The following STK32A variants were observed in gnomAD, a reference collection of about 807,000 sequenced individuals.
STK32A encodes serine/threonine-protein kinase 32A.
Under a neutral mutation model 53.2 loss-of-function variants are expected in STK32A, and 41 were observed. The ratio of observed to expected loss-of-function variants is 0.77; its 90% CI spans 0.60 to 1.00. The LOEUF (loss-of-function observed/expected upper bound fraction) is 1.00. STK32A is among the 50% of genes least tolerant of loss of function. The pLI is 0.00. For synonymous variants in STK32A, 166 were observed against 162.8 expected (o/e 1.02, Z -0.15); for missense variants, 458 against 485.8 (o/e 0.94, Z 0.54).
chr5:147,390,949 T>C (rs1438315270), downstream of STK32A: 2 of 152,666 alleles, frequency 1.3e-5, no homozygotes, highest in African/African-American at 2.4e-5. Context: ...CAGAGCTGCC[T>C]CACAGCTAGC....
chr5:147,348,273 C>T (rs1895565), intron 6 of STK32A, among the ~76,000 whole-genome samples: 36,135 of 152,064 alleles, frequency 0.24, 5,602 homozygotes, highest in African/African-American at 0.44. Flanking sequence ...AAGGAAAATA[C>T]TCAACATTCT....
At chr5:147,341,664 G>A (rs1333721136) in intron 5 of STK32A, among the ~76,000 whole-genome samples, 2 of 151,772 alleles carry the variant, frequency 1.3e-5, no homozygotes, top group Non-Finnish European at 2.9e-5. Context: ...TTTTTTTTAG[G>A]ATGTTATAAG....
At chr5:147,395,690 A>T in the STK32A span, 1 of 1,613,960 alleles carries the variant, frequency 6.2e-7, no homozygotes, top group Non-Finnish European at 8.5e-7. Flanking sequence ...CCCATCGTAC[A>T]TGCCCCTTGG....
the STK32A span, chr5:147,400,932 T>C: frequency 2.1e-6 from 3 of 1,458,432 alleles, no homozygotes; most frequent in African/African-American, 4.2e-5. Flanking sequence ...GCACTCTGAC[T>C]ATTTGGGTTT....
At chr5:147,259,019 C>G (rs1754368717) in intron 2 of STK32A, among the ~76,000 whole-genome samples, 1 of 152,092 alleles carries the variant, frequency 6.6e-6, no homozygotes, top group African/African-American at 2.4e-5. Context: ...TTTCCTAACT[C>G]TGCTTCTACA....
At chr5:147,323,192 C>T (rs1010397807) in intron 4 of STK32A, among the ~76,000 whole-genome samples, 17 of 152,200 alleles carry the variant, frequency 1.1e-4, no homozygotes, top group Admixed American at 1.0e-3. Flanking sequence ...ACTGGGGTCA[C>T]ACTCACAGAG....
At chr5:147,401,801 A>C in the STK32A span, 1 of 1,381,678 alleles carries the variant, frequency 7.2e-7, no homozygotes, top group African/African-American at 1.5e-5. Flanking sequence ...TGTGTCTCAG[A>C]GTCAGACTGA....
At chr5:147,236,738 C>T (rs1193054596) in intron 1 of STK32A, among the ~76,000 whole-genome samples, 1 of 152,110 alleles carries the variant, frequency 6.6e-6, no homozygotes, top group Non-Finnish European at 1.5e-5. Flanking sequence ...CCGTGGTGAA[C>T]AAAATTGTGT....
At chr5:147,235,959 C>T (rs1357615934) in intron 1 of STK32A, among the ~76,000 whole-genome samples, 1 of 152,098 alleles carries the variant, frequency 6.6e-6, no homozygotes, top group African/African-American at 2.4e-5. Context: ...CATGTTTTTG[C>T]CCCCTATTTT....
chr5:147,275,002 C>G lies in STK32A; in HGVS notation c.53-3122C>G, dbSNP rs536394358. Among the ~76,000 whole-genome samples the G allele has an allele frequency of 6.8e-4, 104 of 152,218 alleles. 2 individuals are homozygous for G. Among genetic ancestry groups the G allele is most frequent in the Non-Finnish European group, 3.1e-4 (21 of 68,000 alleles). On this transcript the variant is annotated intron_variant, in intron 2 of 12. Coordinates refer to ENST00000397936, the MANE Select transcript of STK32A (RefSeq NM_001112724.2). ...AATAATCCTATACAAATTCAAAAAC[C>G]ATTCTTAGCTCATAGACTACACAAA...
At chr5:147,301,425 T>G (rs1297829308) in intron 4 of STK32A, among the ~76,000 whole-genome samples, 1 of 152,170 alleles carries the variant, frequency 6.6e-6, no homozygotes, top group Admixed American at 6.5e-5. Context: ...GGGTGAAATA[T>G]TTTTGGTTTC....
At chr5:147,365,768 G>A (rs1403535062) in intron 8 of STK32A, among the ~76,000 whole-genome samples, 1 of 152,074 alleles carries the variant, frequency 6.6e-6, no homozygotes, top group African/African-American at 2.4e-5. Flanking sequence ...AGAAGCAGAG[G>A]AGCGAGTTGA....
chr5:147,253,161 C>T (rs1297903132), intron 2 of STK32A, among the ~76,000 whole-genome samples: 16 of 152,118 alleles, frequency 1.1e-4, no homozygotes, highest in Non-Finnish European at 5.9e-5. Context: ...CAGTTGAGTT[C>T]TCTTAGATTG....
intron 4 of STK32A, among the ~76,000 whole-genome samples, chr5:147,306,209 T>G (rs1753400094): frequency 6.6e-6 from 1 of 151,946 alleles, no homozygotes; most frequent in Non-Finnish European, 1.5e-5. Flanking sequence ...GACTTATGAG[T>G]TTGGGCATAT....
chr5:147,326,554 A>T (rs1274541409), intron 5 of STK32A, among the ~76,000 whole-genome samples: 1 of 152,184 alleles, frequency 6.6e-6, no homozygotes, highest in Non-Finnish European at 1.5e-5. Flanking sequence ...TGTCTCCTTT[A>T]TAAAATTGTG....
chr5:147,235,899 C>G (rs1753292457), intron 1 of STK32A, among the ~76,000 whole-genome samples: 1 of 152,116 alleles, frequency 6.6e-6, no homozygotes, highest in Admixed American at 6.5e-5. Flanking sequence ...ATAAAGATGA[C>G]CAAATATAAA....
At chr5:147,376,677 C>T (rs1455977431) in intron 11 of STK32A, among the ~76,000 whole-genome samples, 1 of 152,172 alleles carries the variant, frequency 6.6e-6, no homozygotes, top group Non-Finnish European at 1.5e-5. Flanking sequence ...GTCTCACTCT[C>T]AAGCACTGAA....
chr5:147,262,876 C>T (rs980541656), intron 2 of STK32A, among the ~76,000 whole-genome samples: 1 of 152,104 alleles, frequency 6.6e-6, no homozygotes, highest in African/African-American at 2.4e-5. Flanking sequence ...TCCAAAGACT[C>T]GGGAATTGGC....
At chr5:147,354,835 C>A (rs1756142340) in intron 7 of STK32A, among the ~76,000 whole-genome samples, 2 of 152,134 alleles carry the variant, frequency 1.3e-5, no homozygotes, top group African/African-American at 4.8e-5. Flanking sequence ...ATATTTTTAT[C>A]TGTGGTTTTT....
Sources: gnomAD v4.1 joint callset for allele counts (sites outside exome capture counted in the v4.1 genomes callset) on GRCh38, gnomAD v4.1.1 for gene constraint, MANE v1.5 for transcripts, NCBI Gene and HGNC (gene_info 2026-07-23, HGNC 2026-07-21) for gene names.